Variants in P2RY6 observed in about 807,000 individuals in gnomAD.
P2RY6 encodes P2Y purinoceptor 6.
Under a neutral mutation model 16.3 loss-of-function variants are expected in P2RY6, and 19 were observed. The ratio of observed to expected loss-of-function variants is 1.16; its 90% CI spans 0.81 to 1.71. The LOEUF is 1.71. P2RY6 is among the 40% of genes most tolerant of loss of function. The probability of loss-of-function intolerance (pLI) is 0.00; values close to 1 mark genes in which losing one functional copy is unlikely to be tolerated. For missense variants in P2RY6, 389 were observed against 455.5 expected, an observed-to-expected ratio of 0.85 and a Z score of 1.33; for synonymous variants, 184 against 201.5, an observed-to-expected ratio of 0.91 and a Z score of 0.74.
At chr11:73,289,946 G>T (rs551413337) in intron 1 of P2RY6, among the ~76,000 whole-genome samples, 1 of 152,164 alleles carries the variant, frequency 6.6e-6, no homozygotes, top group Non-Finnish European at 1.5e-5. Flanking sequence ...TACTGGCCAG[G>T]CACGGTGGCT....
chr11:73,293,522 A>T (rs1291203691), intron 1 of P2RY6, among the ~76,000 whole-genome samples: 1 of 152,196 alleles, frequency 6.6e-6, no homozygotes, highest in Non-Finnish European at 1.5e-5. Context: ...AGCTAGTGAC[A>T]GATGTCAGCG....
At chr11:73,274,540 CAAA>C (rs59442426) in intron 1 of P2RY6, among the ~76,000 whole-genome samples, 8 of 68,470 alleles carry the variant, frequency 1.2e-4, no homozygotes, top group Admixed American at 1.7e-4. Context: ...GAGACTGTCT[CAAA>C]AAAAAAAAAA....
In P2RY6 at chr11:73,297,348, A is replaced by C. The variant is rs1864550940; in HGVS notation, c.830A>C (p.Glu277Ala). Residue 277 changes from glutamate to alanine, a missense_variant, in exon 3 of 3, where the codon GAG becomes GCG. Physicochemically the swap from Glu to Ala is moderately radical, Grantham distance 107 (BLOSUM62 -1). Coordinates refer to ENST00000540124, the MANE Select transcript of P2RY6 (RefSeq NM_001277204.2). ...CCGGGCGTCCCCTGCACTGTATTGG[A>C]GGCCTTTGCAGCGGCCTACAAAGGC... ...STPGVPCTVL[E>A]AFAAAYKGTR... The C allele has an allele frequency of 1.2e-6, 2 of 1,612,300 alleles. No homozygotes were observed. Among genetic ancestry groups the C allele is most frequent in the African/African-American group, 2.7e-5 (2 of 74,958 alleles).
chr11:73,274,270 G>A (rs1381586808), intron 1 of P2RY6, among the ~76,000 whole-genome samples: 2 of 152,176 alleles, frequency 1.3e-5, no homozygotes, highest in Non-Finnish European at 2.9e-5. Flanking sequence ...TTACCTAGTA[G>A]GTGTGTGTTG....
At chr11:73,278,146 T>TTTTATTTATTTA (rs59488451) in intron 1 of P2RY6, among the ~76,000 whole-genome samples, 153 of 146,074 alleles carry the variant, frequency 1.0e-3, no homozygotes, top group African/African-American at 3.7e-3. Context: ...TCCAGGACTG[T>TTTTATTTATTTA]TTTATTTATT....
rs959406423 is a variant in P2RY6, at chr11:73,297,701, A to C, written c.*196A>C. The C allele has an allele frequency of 3.3e-6, 2 of 609,410 alleles. No individual in the cohort carries two copies. Among genetic ancestry groups the C allele is most frequent in the African/African-American group, 3.7e-5 (2 of 53,788 alleles). 37.8% of individuals were successfully genotyped at this position (609,410 alleles called of 1,614,324 possible). ...TGGCCCAGACCCTGTGGGCATGGAG[A>C]TGGACAGACCTGGGCCTGGCTCTTG... is the stretch of plus-strand genomic sequence containing the variant. On this transcript the variant is annotated 3_prime_UTR_variant, in exon 3 of 3. Transcript: ENST00000540124.
Position 73,297,361 on chromosome 11 carries a change from G to T in P2RY6, c.843G>T (p.Ala281=). The T allele has an allele frequency of 6.2e-7, 1 of 1,612,194 alleles. No homozygotes were observed. The highest frequency in any genetic ancestry group is 8.5e-7 in the Non-Finnish European group (1 of 1,180,018). ...GCACTGTATTGGAGGCCTTTGCAGC[G>T]GCCTACAAAGGCACGCGGCCGTTTG... ...VPCTVLEAFA[A]AYKGTRPFAS... Residue 281 remains alanine, a synonymous_variant, in exon 3 of 3, where the codon GCG becomes GCT. Coordinates refer to ENST00000540124, the MANE Select transcript of P2RY6 (RefSeq NM_001277204.2).
At position 73,297,463 on chromosome 11, in the gene P2RY6, C is replaced by G; in HGVS notation, c.945C>G (p.Leu315=). ...AGTTCCGCCGGCGACCACATGAGCT[C>G]CTACAGAAACTCACAGCCAAATGGC... ...QKKFRRRPHE[L]LQKLTAKWQR... Residue 315 remains leucine (L), a synonymous_variant, in exon 3 of 3, where the codon CTC becomes CTG. Coordinates refer to ENST00000540124, the MANE Select transcript of P2RY6 (RefSeq NM_001277204.2). 2.5e-6 allele frequency: 4 copies of G among 1,611,478 alleles called. No individual in the cohort carries two copies. The highest frequency in any genetic ancestry group is 3.4e-6 in the Non-Finnish European group (4 of 1,178,686).
intron 1 of P2RY6, chr11:73,292,872 C>G (rs917404409): frequency 1.0e-6 from 1 of 985,150 alleles, no homozygotes; most frequent in African/African-American, 1.8e-5. Context: ...TTCCCTTTGC[C>G]CCAACACACT....
At chr11:73,277,543 A>C (rs1380303914) in intron 1 of P2RY6, among the ~76,000 whole-genome samples, 1 of 152,264 alleles carries the variant, frequency 6.6e-6, no homozygotes, top group East Asian at 1.9e-4. Context: ...CTTCTGGTTA[A>C]AGATAAAGAA....
intron 1 of P2RY6, among the ~76,000 whole-genome samples, chr11:73,280,785 A>T (rs993178000): frequency 3.3e-5 from 5 of 152,228 alleles, no homozygotes; most frequent in Non-Finnish European, 5.9e-5. Context: ...ATCAGAGTCC[A>T]GCAGGTCGCG....
intron 1 of P2RY6, among the ~76,000 whole-genome samples, chr11:73,276,031 C>T (rs113679900): frequency 9.2e-5 from 14 of 152,284 alleles, no homozygotes; most frequent in Admixed American, 2.6e-4. Context: ...TATCTGTCCC[C>T]GAAACTCATG....
At chr11:73,275,611 C>T (rs1863504506) in intron 1 of P2RY6, among the ~76,000 whole-genome samples, 1 of 152,200 alleles carries the variant, frequency 6.6e-6, no homozygotes, top group Non-Finnish European at 1.5e-5. Flanking sequence ...CTCATGCCTT[C>T]GCATTGTGGC....
intron 1 of P2RY6, among the ~76,000 whole-genome samples, chr11:73,279,094 G>A (rs1232676884): frequency 2.0e-5 from 3 of 147,106 alleles, no homozygotes; most frequent in South Asian, 2.1e-4. Flanking sequence ...AAGTGTTATC[G>A]CATGGTTTTA....
chr11:73,268,190 A>ACCAC, upstream of P2RY6, among the ~76,000 whole-genome samples: 2 of 152,304 alleles, frequency 1.3e-5, no homozygotes, highest in Admixed American at 1.3e-4. Context: ...ACCCACAGGC[A>ACCAC]TGTGCTCCTT....
upstream of P2RY6, chr11:73,272,255 G>T (rs1863344012): frequency 1.4e-6 from 1 of 733,544 alleles, no homozygotes. Context: ...TTCGAGTCCT[G>T]GCCCTGCTGC....
chr11:73,264,675 G>A (rs1317661121), intron 1 of P2RY6: 1 of 152,546 alleles, frequency 6.6e-6, no homozygotes, highest in African/African-American at 2.4e-5. Context: ...GGCAGGGACA[G>A]GGGTAAGGGG....
At chr11:73,284,198 C>A (rs1253323352) in intron 1 of P2RY6, among the ~76,000 whole-genome samples, 1 of 152,112 alleles carries the variant, frequency 6.6e-6, no homozygotes, top group East Asian at 1.9e-4. Flanking sequence ...GTGACAGGGT[C>A]TGCAGGGCCT....
chr11:73,296,599 G>A lies in P2RY6; in HGVS notation c.81G>A (p.Leu27=). Residue 27 remains leucine (L), a synonymous_variant, in exon 3 of 3, where the codon CTG becomes CTA. Coordinates refer to ENST00000540124, the MANE Select transcript of P2RY6 (RefSeq NM_001277204.2). ...TCTACCGCGAGAACTTCAAGCAACT[G>A]CTGCTGCCACCTGTGTATTCGGCGG... The part of the protein sequence containing the change: ...TCVYRENFKQ[L]LLPPVYSAVL... 1 of 1,614,250 alleles carries A rather than the reference G, an allele frequency of 6.2e-7. No individual in the cohort carries two copies. The highest frequency in any genetic ancestry group is 1.1e-5 in the South Asian group (1 of 91,084).
Sources: gnomAD v4.1 joint callset for allele counts (sites outside exome capture counted in the v4.1 genomes callset) on GRCh38, gnomAD v4.1.1 for gene constraint, MANE v1.5 for transcripts, NCBI Gene and HGNC (gene_info 2026-07-23, HGNC 2026-07-21) for gene names.